Variants in CADPS observed in about 807,000 individuals in gnomAD.
CADPS encodes calcium-dependent secretion activator 1.
A neutral mutation model predicts 167.3 loss-of-function variants in CADPS; 57 were observed. The observed-to-expected ratio is 0.34, with a 90% CI of 0.28 to 0.42. The LOEUF (loss-of-function observed/expected upper bound fraction) is 0.42, where lower values mean the gene tolerates loss of function less well. CADPS is among the 20% of genes least tolerant of loss of function. The pLI is 1.00. For missense variants in CADPS, 1,414 were observed against 1,738.1 expected, an observed-to-expected ratio of 0.81 and a Z score of 3.32; for synonymous variants, 676 against 635.3, an observed-to-expected ratio of 1.06 and a Z score of -0.96.
At chr3:62,497,140 A>T (rs772639133) in intron 18 of CADPS, among the ~76,000 whole-genome samples, 3 of 152,206 alleles carry the variant, frequency 2.0e-5, no homozygotes, top group Non-Finnish European at 4.4e-5. Context: ...TTTTTGGAAA[A>T]GTGAAACGTG....
At chr3:62,445,894 T>G (rs2057144049) in intron 26 of CADPS, 97 bp from the exon 27 acceptor site, 2 of 804,530 alleles carry the variant, frequency 2.5e-6, no homozygotes, top group Non-Finnish European at 3.6e-6. Flanking sequence ...AACAACATGC[T>G]GGCACATGGA....
intron 3 of CADPS, among the ~76,000 whole-genome samples, chr3:62,676,354 C>T (rs1467169915): frequency 6.6e-6 from 1 of 152,116 alleles, no homozygotes; most frequent in Non-Finnish European, 1.5e-5. Context: ...ATTTCATCCT[C>T]CATGTAACAG....
chr3:62,689,771 T>G, intron 3 of CADPS, among the ~76,000 whole-genome samples: 1 of 152,004 alleles, frequency 6.6e-6, no homozygotes, highest in East Asian at 1.9e-4. Context: ...ACACAATGTG[T>G]TAATAGCTCC....
At chr3:62,855,998 C>G (rs1430274439) in intron 1 of CADPS, among the ~76,000 whole-genome samples, 1 of 152,044 alleles carries the variant, frequency 6.6e-6, no homozygotes, top group Non-Finnish European at 1.5e-5. Context: ...AAAGACTATT[C>G]TTTGTTTTCA....
intron 1 of CADPS, among the ~76,000 whole-genome samples, chr3:62,800,786 C>T (rs184810998): frequency 1.3e-5 from 2 of 152,022 alleles, no homozygotes; most frequent in Non-Finnish European, 1.5e-5. Context: ...TTGGAATAAA[C>T]CAAAACAACA....
chr3:62,807,740 G>T (rs1338198571), intron 1 of CADPS, among the ~76,000 whole-genome samples: 1 of 151,896 alleles, frequency 6.6e-6, no homozygotes, highest in Non-Finnish European at 1.5e-5. Flanking sequence ...TTGCCACAGT[G>T]ATTTTTTTCA....
intron 10 of CADPS, among the ~76,000 whole-genome samples, chr3:62,552,461 G>A (rs145814569): frequency 7.6e-4 from 116 of 152,262 alleles, no homozygotes; most frequent in African/African-American, 2.7e-3. Context: ...ACATATTCTA[G>A]AAACCTGTAT....
At chr3:62,845,705 C>T (rs1202927093) in intron 1 of CADPS, among the ~76,000 whole-genome samples, 1 of 152,180 alleles carries the variant, frequency 6.6e-6, no homozygotes, top group African/African-American at 2.4e-5. Context: ...CCTCCCACCT[C>T]CCACTATCAT....
intron 8 of CADPS, among the ~76,000 whole-genome samples, chr3:62,574,527 A>C (rs1026655944): frequency 1.3e-5 from 2 of 152,214 alleles, no homozygotes; most frequent in African/African-American, 4.8e-5. Flanking sequence ...AGGCCAGCAC[A>C]AACAGCTCTG....
At chr3:62,554,484 A>C (rs2077793620) in intron 10 of CADPS, among the ~76,000 whole-genome samples, 1 of 152,166 alleles carries the variant, frequency 6.6e-6, no homozygotes, top group Non-Finnish European at 1.5e-5. Context: ...ATCCACTGAC[A>C]ATTTGGATAA....
At chr3:62,712,211 A>T (rs2083532435) in intron 3 of CADPS, among the ~76,000 whole-genome samples, 1 of 152,220 alleles carries the variant, frequency 6.6e-6, no homozygotes, top group Admixed American at 6.5e-5. Flanking sequence ...TTTAAAGAAG[A>T]CTACTAGAAG....
At chr3:62,745,588 C>G (rs2081283630) in intron 3 of CADPS, among the ~76,000 whole-genome samples, 1 of 152,120 alleles carries the variant, frequency 6.6e-6, no homozygotes, top group South Asian at 2.1e-4. Context: ...AAAGTTTATG[C>G]CTGGAAGATT....
chr3:62,684,828 C>G (rs1459511572), intron 3 of CADPS, among the ~76,000 whole-genome samples: 1 of 151,820 alleles, frequency 6.6e-6, no homozygotes, highest in South Asian at 2.1e-4. Context: ...AGTACATGCA[C>G]CAATCAGATG....
Position 62,753,383 on chromosome 3 carries a change from A to G in CADPS, c.888+58T>C. 3.2e-6 allele frequency: 4 copies of G among 1,234,820 alleles called. No homozygotes were observed. The highest frequency in any genetic ancestry group is 2.2e-5 in the Admixed American group (1 of 45,700). The allele number at this position is 1,234,820 out of a possible 1,614,324, so 76.5% of individuals were successfully genotyped here. A position where few individuals can be genotyped will look rare whatever the true frequency, so the allele number is the denominator to read the frequency against. ...AAAAAAATCAAGAAGTATCTCATAG[A>G]AGTTGGAATGCAGCTCTGCTTACCC... On this transcript the variant is annotated intron_variant, in intron 3 of 29. Transcript: ENST00000383710. The surrounding 1 kb of genome is among the most constrained non-coding windows in gnomAD (Gnocchi z 4.6).
intron 3 of CADPS, among the ~76,000 whole-genome samples, chr3:62,705,810 A>G (rs13088517): frequency 0.079 from 12,068 of 152,150 alleles, 622 homozygotes; most frequent in Non-Finnish European, 0.12. Flanking sequence ...TTTTATATAT[A>G]CATCTATCCT....
Position 62,399,398 on chromosome 3 carries a change from C to A in CADPS, c.*8G>T. The A allele has an allele frequency of 6.2e-7, 1 of 1,613,942 alleles. No individual in the cohort carries two copies. Among genetic ancestry groups the A allele is most frequent in the East Asian group, 2.2e-5 (1 of 44,888 alleles). The stretch of plus-strand genomic sequence containing the variant: ...ACTCTGTCCCAGCAGACTCTAGGAC[C>A]AAATGGTCTAATCGTCTTCTTCGTC... On this transcript the variant is annotated 3_prime_UTR_variant, in exon 30 of 30. Coordinates refer to ENST00000383710, the MANE Select transcript of CADPS (RefSeq NM_003716.4). The surrounding 1 kb of genome is among the most constrained non-coding windows in gnomAD (Gnocchi z 5.6).
intron 26 of CADPS, among the ~76,000 whole-genome samples, chr3:62,461,555 G>T (rs973974642): frequency 6.6e-6 from 1 of 152,106 alleles, no homozygotes; most frequent in Admixed American, 6.5e-5. Flanking sequence ...TCCCTAAACC[G>T]TGTTTATGTG....
intron 3 of CADPS, among the ~76,000 whole-genome samples, chr3:62,728,250 C>G (rs548268992): frequency 6.6e-6 from 1 of 151,896 alleles, no homozygotes; most frequent in African/African-American, 2.4e-5. Flanking sequence ...TTTGCAAAGT[C>G]CATGTTCTTT....
chr3:62,704,813 C>T (rs543981513), intron 3 of CADPS, among the ~76,000 whole-genome samples: 8 of 152,240 alleles, frequency 5.3e-5, no homozygotes, highest in East Asian at 1.9e-4. Context: ...TTTCAGAATT[C>T]GTAGGCATTG....
Sources: gnomAD v4.1 joint callset for allele counts (sites outside exome capture counted in the v4.1 genomes callset) on GRCh38, gnomAD v4.1.1 for gene constraint, Gnocchi (gnomAD v3.1) non-coding constraint, MANE v1.5 for transcripts, NCBI Gene and HGNC (gene_info 2026-07-23, HGNC 2026-07-21) for gene names.